Variants in ERBB4 observed in about 807,000 individuals in gnomAD.
The protein encoded by ERBB4 is receptor tyrosine-protein kinase erbB-4.
A neutral mutation model predicts 158.0 loss-of-function variants in ERBB4; 42 were observed. The ratio of observed to expected loss-of-function variants is 0.27; its 90% CI spans 0.21 to 0.34. The LOEUF is 0.34. Among genes scored for constraint, ERBB4 ranks in the 10% least tolerant of loss-of-function variants. The probability of loss-of-function intolerance (pLI) is 1.00; values close to 1 mark genes in which losing one functional copy is unlikely to be tolerated. For synonymous variants in ERBB4, 583 were observed against 558.7 expected (o/e 1.04, Z -0.61); for missense variants, 1,333 against 1,624.1 (o/e 0.82, Z 3.08).
At chr2:212,334,837 C>T (rs2088350742) in intron 1 of ERBB4, among the ~76,000 whole-genome samples, 1 of 151,912 alleles carries the variant, frequency 6.6e-6, no homozygotes, top group Non-Finnish European at 1.5e-5. Context: ...ACAACATTTT[C>T]TACTGGTTGA....
chr2:211,593,690 ATAGT>A (rs2068543239), intron 19 of ERBB4, among the ~76,000 whole-genome samples: 1 of 152,186 alleles, frequency 6.6e-6, no homozygotes, highest in Non-Finnish European at 1.5e-5. Flanking sequence ...CCCTAATTAC[ATAGT>A]TAATGTTGAC....
rs186975057 is a variant in ERBB4 at position 211,551,658 on chromosome 2, T to A, written c.2487+10245A>T. ...TTCTCTTCTCTAGACTATTATTTTT[T>A]AAATTTCTATAATTTGCATATACAT... On this transcript the variant is annotated intron_variant, in intron 20 of 27. Coordinates refer to ENST00000342788, the MANE Select transcript of ERBB4 (RefSeq NM_005235.3). 5.3e-3 allele frequency among the ~76,000 whole-genome samples: 812 copies of A among 152,314 alleles called. 8 individuals carry two copies. The highest frequency in any genetic ancestry group is 0.018 in the African/African-American group (764 of 41,564).
At chr2:212,463,865 G>A (rs1194663815) in intron 1 of ERBB4, among the ~76,000 whole-genome samples, 1 of 152,116 alleles carries the variant, frequency 6.6e-6, no homozygotes, top group African/African-American at 2.4e-5. Flanking sequence ...TTAAATTTAA[G>A]TTTAATCACC....
chr2:211,710,510 G>T (rs1342150816), intron 9 of ERBB4, among the ~76,000 whole-genome samples: 1 of 152,086 alleles, frequency 6.6e-6, no homozygotes, highest in Non-Finnish European at 1.5e-5. Flanking sequence ...AATGTAAATG[G>T]ACTCAGAAGG....
intron 2 of ERBB4, among the ~76,000 whole-genome samples, chr2:211,988,468 T>C (rs1219721600): frequency 2.0e-5 from 3 of 152,152 alleles, no homozygotes; most frequent in African/African-American, 7.2e-5. Context: ...GAATACTTAC[T>C]GATAACATAT....
intron 1 of ERBB4, among the ~76,000 whole-genome samples, chr2:212,338,049 T>C (rs1222276871): frequency 6.6e-6 from 1 of 152,098 alleles, no homozygotes; most frequent in Non-Finnish European, 1.5e-5. Flanking sequence ...CTTTATGTCA[T>C]ACTGATCTTG....
chr2:212,293,600 C>A (rs749363120), intron 1 of ERBB4, among the ~76,000 whole-genome samples: 7 of 152,014 alleles, frequency 4.6e-5, no homozygotes, highest in African/African-American at 1.2e-4. Context: ...TTAATCCCAG[C>A]ATTTTGGGAG....
chr2:211,839,284 G>T lies in ERBB4; in HGVS notation c.422-51125C>A, dbSNP rs539525236. On this transcript the variant is annotated intron_variant, in intron 3 of 27. Coordinates refer to ENST00000342788, the MANE Select transcript of ERBB4 (RefSeq NM_005235.3). ...GAAAGACCTAATTGTCACCCTTCAC[G>T]CTCATATTTCTCTTCTGTGCCTTAA... Among the ~76,000 whole-genome samples, 77 of 151,802 alleles carry T rather than the reference G, an allele frequency of 5.1e-4. 1 individual carries two copies. Among genetic ancestry groups the T allele is most frequent in the East Asian group, 2.7e-3 (14 of 5,138 alleles).
At chr2:211,465,714 A>G (rs2064666490) in intron 20 of ERBB4, among the ~76,000 whole-genome samples, 1 of 152,144 alleles carries the variant, frequency 6.6e-6, no homozygotes, top group Non-Finnish European at 1.5e-5. Flanking sequence ...GAAACCTCCT[A>G]TCTGCTTTTC....
chr2:211,619,396 T>G, intron 18 of ERBB4, 121 bp from the exon 19 acceptor site: 1 of 660,908 alleles, frequency 1.5e-6, no homozygotes, highest in Non-Finnish European at 2.7e-6. Flanking sequence ...ACCTGTTACA[T>G]GTTACAAGTT....
intron 1 of ERBB4, among the ~76,000 whole-genome samples, chr2:212,138,596 T>G (rs909906002): frequency 6.6e-6 from 1 of 152,138 alleles, no homozygotes; most frequent in Non-Finnish European, 1.5e-5. Flanking sequence ...AAAAACACAA[T>G]TCTTTTCTTT....
chr2:212,470,125 T>C (rs1026936629), intron 1 of ERBB4, among the ~76,000 whole-genome samples: 2 of 152,164 alleles, frequency 1.3e-5, no homozygotes, highest in African/African-American at 4.8e-5. Context: ...AAGTAGATTA[T>C]AAATTTCTGG....
At chr2:212,402,024 A>T (rs893938320) in intron 1 of ERBB4, among the ~76,000 whole-genome samples, 1 of 152,138 alleles carries the variant, frequency 6.6e-6, no homozygotes, top group Non-Finnish European at 1.5e-5. Context: ...TTTATTCCTC[A>T]GTTATGAAAA....
chr2:211,647,292 A>G (rs1160024707), intron 16 of ERBB4, among the ~76,000 whole-genome samples: 1 of 151,360 alleles, frequency 6.6e-6, no homozygotes, highest in African/African-American at 2.4e-5. Context: ...TCAAAATTTC[A>G]CCCATTCTCA....
chr2:211,994,873 C>G (rs1256660504), intron 2 of ERBB4, among the ~76,000 whole-genome samples: 1 of 152,114 alleles, frequency 6.6e-6, no homozygotes, highest in Non-Finnish European at 1.5e-5. Flanking sequence ...AAACACACTC[C>G]CTAATGCTTC....
intron 2 of ERBB4, among the ~76,000 whole-genome samples, chr2:211,984,392 A>G (rs2081885144): frequency 6.6e-6 from 1 of 152,210 alleles, no homozygotes; most frequent in South Asian, 2.1e-4. Context: ...GTATCTTTAT[A>G]ATAGCATATT....
intron 5 of ERBB4, among the ~76,000 whole-genome samples, chr2:211,736,842 A>G (rs1208232133): frequency 1.3e-5 from 2 of 152,086 alleles, no homozygotes; most frequent in Non-Finnish European, 2.9e-5. Flanking sequence ...AACTTTTTGG[A>G]TCCTCTCCAA....
chr2:212,072,172 A>T (rs1198764700), intron 2 of ERBB4, among the ~76,000 whole-genome samples: 1 of 151,970 alleles, frequency 6.6e-6, no homozygotes, highest in African/African-American at 2.4e-5. Context: ...TGAGTACAGA[A>T]GTTACAACTC....
At chr2:211,663,160 A>G (rs1239317008) in intron 15 of ERBB4, among the ~76,000 whole-genome samples, 1 of 152,226 alleles carries the variant, frequency 6.6e-6, no homozygotes, top group Non-Finnish European at 1.5e-5. Context: ...TAGAATTTAT[A>G]TGAGGATTTA....
Sources: gnomAD v4.1 joint callset for allele counts (sites outside exome capture counted in the v4.1 genomes callset) on GRCh38, gnomAD v4.1.1 for gene constraint, MANE v1.5 for transcripts, NCBI Gene and HGNC (gene_info 2026-07-23, HGNC 2026-07-21) for gene names.